Variants in NLGN1 observed in about 807,000 individuals in gnomAD.
NLGN1 encodes the protein neuroligin 1.
A neutral mutation model predicts 65.5 loss-of-function variants in NLGN1; 12 were observed. The observed-to-expected ratio is 0.18, with a 90% CI of 0.12 to 0.30. The LOEUF is 0.30. Among genes scored for constraint, NLGN1 ranks in the 10% least tolerant of loss-of-function variants. The pLI is 1.00. For missense variants in NLGN1, 750 were observed against 1,007.1 expected, an observed-to-expected ratio of 0.74 and a Z score of 3.46; for synonymous variants, 350 against 359.5, an observed-to-expected ratio of 0.97 and a Z score of 0.30.
At chr3:173,885,988 T>C (rs1016716693) in intron 4 of NLGN1, among the ~76,000 whole-genome samples, 23 of 152,036 alleles carry the variant, frequency 1.5e-4, no homozygotes, top group Non-Finnish European at 5.9e-5. Context: ...ATCTAAAACA[T>C]GAAGAAAGTT....
chr3:173,916,742 C>T (rs143609696), intron 4 of NLGN1, among the ~76,000 whole-genome samples: 4 of 152,154 alleles, frequency 2.6e-5, no homozygotes, highest in South Asian at 2.1e-4. Context: ...ATATAGGATG[C>T]GTGTTCTAGT....
At chr3:173,494,744 C>T (rs967189611) in intron 2 of NLGN1, among the ~76,000 whole-genome samples, 10 of 151,796 alleles carry the variant, frequency 6.6e-5, no homozygotes, top group Admixed American at 1.3e-4. Flanking sequence ...AATTTCCATA[C>T]GAATGTTGTT....
chr3:174,217,864 G>C (rs1320081987), intron 4 of NLGN1, among the ~76,000 whole-genome samples: 1 of 151,908 alleles, frequency 6.6e-6, no homozygotes, highest in Admixed American at 6.6e-5. Flanking sequence ...AGGCATTGGA[G>C]GGAAGCACCA....
chr3:173,928,264 C>T (rs2152279198), intron 4 of NLGN1, among the ~76,000 whole-genome samples: 1 of 152,250 alleles, frequency 6.6e-6, no homozygotes, highest in African/African-American at 2.4e-5. Context: ...TCTTCTGATC[C>T]TCTGTTCTTG....
exon 7 of NLGN1, chr3:174,285,670 G>A (rs181030803): frequency 1.6e-4 from 24 of 151,430 alleles, no homozygotes; most frequent in Middle Eastern, 3.4e-3. Context: ...ATTCTGGCAC[G>A]TTGCTGTATT....
intron 2 of NLGN1, among the ~76,000 whole-genome samples, chr3:173,435,734 C>A (rs1718016600): frequency 6.6e-6 from 1 of 152,032 alleles, no homozygotes; most frequent in Admixed American, 6.5e-5. Context: ...ACTAAGGAGG[C>A]TGAGGCGGGA....
intron 4 of NLGN1, among the ~76,000 whole-genome samples, chr3:174,017,683 G>C (rs291918): frequency 0.96 from 146,200 of 152,162 alleles, 70,289 homozygotes; most frequent in East Asian, 1. Flanking sequence ...TGATGCCCCC[G>C]TCAAGCCGCA....
chr3:173,497,346 C>A (rs1730195004), intron 2 of NLGN1, among the ~76,000 whole-genome samples: 1 of 151,306 alleles, frequency 6.6e-6, no homozygotes, highest in South Asian at 2.1e-4. Context: ...CAAGAGCATG[C>A]CACTGCACTC....
In NLGN1 at chr3:174,211,252, CCTG is replaced by C. The variant is rs552238669; in HGVS notation, c.647-64060_647-64058del. 1.9e-4 allele frequency among the ~76,000 whole-genome samples: 29 copies of C among 152,316 alleles called. No individual in the cohort carries two copies. In the South Asian group the frequency reaches 5.8e-3, roughly 30 times the overall value. ...GGGTTGCCAATGCTGGCTCTGGCAGCCTGCTTTTATTCTCTTATCTGGCCCCAC... is the reference window on the plus strand; with the variant it reads ...GGGTTGCCAATGCTGGCTCTGGCAGCCTTTTATTCTCTTATCTGGCCCCAC... On this transcript the variant is annotated intron_variant, in intron 4 of 6. Coordinates refer to ENST00000457714, the Ensembl canonical transcript of NLGN1.
At chr3:173,912,667 C>T (rs549899967) in intron 4 of NLGN1, 3 of 152,082 alleles carry the variant, frequency 2.0e-5, no homozygotes, top group African/African-American at 7.2e-5. Flanking sequence ...GGTGTATCAA[C>T]AGAATTAAGC....
intron 2 of NLGN1, among the ~76,000 whole-genome samples, chr3:173,437,642 G>A (rs982744945): frequency 6.6e-6 from 1 of 152,070 alleles, no homozygotes; most frequent in African/African-American, 2.4e-5. Flanking sequence ...ACCAACTTTT[G>A]ATTTTCTTTA....
chr3:173,629,302 G>A (rs143000985), intron 3 of NLGN1, among the ~76,000 whole-genome samples: 1 of 151,998 alleles, frequency 6.6e-6, no homozygotes, highest in African/African-American at 2.4e-5. Context: ...ATTTAGTAGA[G>A]TGGGGGCCTT....
At chr3:173,727,569 C>T (rs575366233) in intron 3 of NLGN1, among the ~76,000 whole-genome samples, 81 of 152,160 alleles carry the variant, frequency 5.3e-4, no homozygotes, top group Admixed American at 1.8e-3. Context: ...TCCAAATGAA[C>T]ATTCTTTTGG....
chr3:173,786,065 C>T (rs2150342976), intron 3 of NLGN1, among the ~76,000 whole-genome samples: 1 of 152,294 alleles, frequency 6.6e-6, no homozygotes. Context: ...ATTCTAGGCT[C>T]TACCCTGACC....
chr3:173,956,142 C>A (rs1407876624), intron 4 of NLGN1, among the ~76,000 whole-genome samples: 5 of 151,906 alleles, frequency 3.3e-5, no homozygotes, highest in Non-Finnish European at 2.9e-5. Context: ...TGTTTCATTG[C>A]ATCATGTGGT....
At chr3:173,663,056 T>C (rs1761161448) in intron 3 of NLGN1, among the ~76,000 whole-genome samples, 1 of 152,022 alleles carries the variant, frequency 6.6e-6, no homozygotes, top group Non-Finnish European at 1.5e-5. Flanking sequence ...ATAATTATTT[T>C]CCATTTCAAA....
At chr3:173,944,515 C>A (rs1300235292) in intron 4 of NLGN1, among the ~76,000 whole-genome samples, 3 of 152,074 alleles carry the variant, frequency 2.0e-5, no homozygotes, top group African/African-American at 7.2e-5. Context: ...AGTCAGTTAT[C>A]CCTCTCCTAA....
At chr3:173,995,099 C>T (rs976512151) in intron 4 of NLGN1, among the ~76,000 whole-genome samples, 5 of 152,092 alleles carry the variant, frequency 3.3e-5, no homozygotes, top group Admixed American at 6.5e-5. Context: ...CCTGCTAGCC[C>T]GAGGTTTGCA....
intron 2 of NLGN1, among the ~76,000 whole-genome samples, chr3:173,501,071 A>G (rs1731030877): frequency 1.3e-5 from 2 of 152,092 alleles, no homozygotes; most frequent in Non-Finnish European, 2.9e-5. Flanking sequence ...TCTTTTTCCA[A>G]GATATCTCAG....
Sources: allele counts gnomAD v4.1 joint callset (sites outside exome capture counted in the v4.1 genomes callset), GRCh38; gene constraint gnomAD v4.1.1; transcripts MANE v1.5; gene names NCBI Gene and HGNC (gene_info 2026-07-23, HGNC 2026-07-21).